ENOSF1: variants seen among roughly 807,000 people sequenced by gnomAD.
ENOSF1 encodes the protein mitochondrial enolase superfamily member 1.
A neutral mutation model predicts 68.2 loss-of-function variants in ENOSF1; 73 were observed. The observed-to-expected ratio is 1.07, with a 90% CI of 0.89 to 1.30. The LOEUF (loss-of-function observed/expected upper bound fraction) is 1.30. Among genes scored for constraint, ENOSF1 ranks in the 50% most tolerant of loss-of-function variants. The pLI is 0.00. For missense variants in ENOSF1, 589 were observed against 554.5 expected, an observed-to-expected ratio of 1.06 and a Z score of -0.62; for synonymous variants, 223 against 210.4, an observed-to-expected ratio of 1.06 and a Z score of -0.52.
At chr18:669,256 G>C, downstream of ENOSF1, 1 of 1,209,622 alleles carries the variant, frequency 8.3e-7, no homozygotes, top group African/African-American at 1.5e-5. Flanking sequence ...GGCACCTGAG[G>C]GAGGCAGGAC....
chr18:673,322 G>C lies in ENOSF1; in HGVS notation c.*983C>G, dbSNP rs957258743. ...CCACGTACTTATAAAGAAGGTTGGT[G>C]AATTTCACAAGCTATTTTTGGAATA... On this transcript the variant is annotated 3_prime_UTR_variant, in exon 16 of 16. Coordinates refer to ENST00000647584, the MANE Select transcript of ENOSF1 (RefSeq NM_017512.7). 1 of 240,350 alleles carries C rather than the reference G, an allele frequency of 4.2e-6. No individual in the cohort carries two copies. Among genetic ancestry groups the C allele is most frequent in the Non-Finnish European group, 8.1e-6 (1 of 123,696 alleles). The allele number at this position is 240,350 out of a possible 1,614,324, so 14.9% of individuals were successfully genotyped here.
chr18:673,094 T>G lies in ENOSF1; in HGVS notation c.*1211A>C. 1 of 1,336,704 alleles carries G rather than the reference T, an allele frequency of 7.5e-7. No homozygotes were observed. The highest frequency in any genetic ancestry group is 1.0e-6 in the Non-Finnish European group (1 of 1,000,260). The allele number at this position is 1,336,704 out of a possible 1,614,324, so 82.8% of individuals were successfully genotyped here. A position where few individuals can be genotyped will look rare whatever the true frequency, so the allele number is the denominator to read the frequency against. On this transcript the variant is annotated 3_prime_UTR_variant, in exon 16 of 16. Transcript: ENST00000647584. ...TTTTTGCTCTAAAAGAAAAAGGAACTAGGTCAAAAATCTGTCCGTGACCTA... is the reference window on the plus strand; with the variant it reads ...TTTTTGCTCTAAAAGAAAAAGGAACGAGGTCAAAAATCTGTCCGTGACCTA...
chr18:686,310 G>T, intron 9 of ENOSF1: 3 of 316,756 alleles, frequency 9.5e-6, no homozygotes, highest in East Asian at 6.4e-5. Context: ...AAGGAATTAA[G>T]AACAAAAAAG....
At chr18:669,261 C>A, downstream of ENOSF1, 1 of 1,144,976 alleles carries the variant, frequency 8.7e-7, no homozygotes, top group Non-Finnish European at 1.3e-6. Context: ...CTGAGGGAGG[C>A]AGGACCCTGG....
At chr18:696,223 T>TTC (rs386386823) in intron 3 of ENOSF1, among the ~76,000 whole-genome samples, 2 of 110,484 alleles carry the variant, frequency 1.8e-5, no homozygotes, top group Non-Finnish European at 4.1e-5. Flanking sequence ...TTTTTTTTTT[T>TTC]TGTTTTGAGA....
At chr18:702,280 A>AC (rs1404708378) in intron 2 of ENOSF1, among the ~76,000 whole-genome samples, 5 of 149,196 alleles carry the variant, frequency 3.4e-5, no homozygotes, top group African/African-American at 9.9e-5. Flanking sequence ...AAAAAAAAAA[A>AC]AAAAAACCCA....
At chr18:694,367 T>C (rs755719647) in intron 3 of ENOSF1, 33 bp from the exon 4 acceptor site, 38 of 1,606,448 alleles carry the variant, frequency 2.4e-5, no homozygotes, top group Non-Finnish European at 3.1e-5. Context: ...AAGCACTTTT[T>C]AGAAATGAAA....
intron 9 of ENOSF1, 167 bp from the exon 10 acceptor site, chr18:686,175 G>T (rs767715953): frequency 1.6e-6 from 1 of 607,138 alleles, no homozygotes; most frequent in Non-Finnish European, 3.0e-6. Flanking sequence ...ATAAACCTGG[G>T]AACTTTATCT....
chr18:693,829 A>G lies in ENOSF1; in HGVS notation c.423+53T>C. 17 of 1,611,710 alleles carry G rather than the reference A, an allele frequency of 1.1e-5. No homozygotes were observed. The East Asian group carries it at 2.0e-4, about 19-fold the overall frequency. ...CTGATCATCAAAAGGCATGTCATCAATGATATCCATTTCATTTACAGAAAC... is the reference window on the plus strand; with the variant it reads ...CTGATCATCAAAAGGCATGTCATCAGTGATATCCATTTCATTTACAGAAAC... On this transcript the variant is annotated intron_variant, in intron 5 of 15. Transcript: ENST00000647584.
Position 677,845 on chromosome 18 carries a change from G to C in ENOSF1, c.946C>G (p.Leu316Val). The part of the protein sequence containing the change: ...QCHNRVIFKQ[L>V]LQAKALQFLQ... Reference sequence around the variant, plus strand: ...AACTGCAGGGCCTTCGCCTGTAGGAGTTGCTTAAATATCACTCTATTGTGG... The same window carrying C: ...AACTGCAGGGCCTTCGCCTGTAGGACTTGCTTAAATATCACTCTATTGTGG... The change falls in exon 13 of 16, where the codon CTC becomes GTC. Residue 316 changes from leucine (L) to valine (V), a missense_variant. Transcript: ENST00000647584. 2 of 1,614,034 alleles carry C rather than the reference G, an allele frequency of 1.2e-6. No individual in the cohort carries two copies. Among genetic ancestry groups the C allele is most frequent in the African/African-American group, 1.3e-5 (1 of 75,048 alleles).
intron 2 of ENOSF1, among the ~76,000 whole-genome samples, chr18:700,523 T>C (rs2078223996): frequency 6.6e-6 from 1 of 152,204 alleles, no homozygotes; most frequent in Non-Finnish European, 1.5e-5. Context: ...AGCACTTATG[T>C]ATTCATCTAC....
intron 3 of ENOSF1, among the ~76,000 whole-genome samples, chr18:696,067 T>C (rs2077677886): frequency 6.6e-6 from 1 of 152,188 alleles, no homozygotes; most frequent in South Asian, 2.1e-4. Flanking sequence ...GAATCCTTTC[T>C]CCAGAGCCTA....
chr18:690,732 C>G (rs764382008), intron 7 of ENOSF1, 101 bp from the exon 8 acceptor site: 2 of 1,209,458 alleles, frequency 1.7e-6, no homozygotes, highest in African/African-American at 2.3e-5. Context: ...TCCAGCTGTT[C>G]TCCTGATCCG....
At chr18:709,472 C>T (rs754420504) in intron 1 of ENOSF1, among the ~76,000 whole-genome samples, 11 of 152,068 alleles carry the variant, frequency 7.2e-5, no homozygotes, top group Non-Finnish European at 1.6e-4. Context: ...AAGTAGATTT[C>T]AGATTAAGAA....
chr18:710,691 G>T (rs550169933), intron 1 of ENOSF1, among the ~76,000 whole-genome samples: 11 of 152,086 alleles, frequency 7.2e-5, no homozygotes, highest in Non-Finnish European at 1.3e-4. Flanking sequence ...CTTTACTGAC[G>T]GCCTTCTCTG....
At chr18:700,785 C>T (rs1230473956) in intron 2 of ENOSF1, among the ~76,000 whole-genome samples, 1 of 148,660 alleles carries the variant, frequency 6.7e-6, no homozygotes, top group Non-Finnish European at 1.5e-5. Flanking sequence ...CTTGTGGGGG[C>T]TGAGGTATGA....
Position 670,488 on chromosome 18 carries a change from C to T in ENOSF1, c.*3817G>A. On this transcript the variant is annotated 3_prime_UTR_variant, in exon 16 of 16. Coordinates refer to ENST00000647584, the MANE Select transcript of ENOSF1 (RefSeq NM_017512.7). ...TGCTTCAGCCGTAAATGGACACCTG[C>T]AGAAACCTTGCACCGATGGATAGTC... 2 of 571,272 alleles carry T rather than the reference C, an allele frequency of 3.5e-6. No individual in the cohort carries two copies. Among genetic ancestry groups the T allele is most frequent in the Non-Finnish European group, 6.2e-6 (2 of 323,510 alleles). 35.4% of individuals were successfully genotyped at this position (571,272 alleles called of 1,614,324 possible).
chr18:706,063 A>C lies in ENOSF1; in HGVS notation c.193+407T>G, dbSNP rs533551234. 2.0e-5 allele frequency among the ~76,000 whole-genome samples: 3 copies of C among 152,178 alleles called. No individual in the cohort carries two copies. In the South Asian group the frequency reaches 6.3e-4, roughly 32 times the overall value. Reference sequence around the variant, plus strand: ...CGAGTAGACGTGCTGTGCACATCACAATGAGCCTTTTTTGCTATGGGAACT... The same window carrying C: ...CGAGTAGACGTGCTGTGCACATCACCATGAGCCTTTTTTGCTATGGGAACT... On this transcript the variant is annotated intron_variant, in intron 2 of 15. Transcript: ENST00000647584.
intron 8 of ENOSF1, among the ~76,000 whole-genome samples, chr18:689,135 G>A (rs1042077576): frequency 2.6e-5 from 4 of 152,110 alleles, no homozygotes; most frequent in African/African-American, 7.2e-5. Context: ...TGGGTCTACC[G>A]CTGGTGCTGC....
Sources: allele counts gnomAD v4.1 joint callset (sites outside exome capture counted in the v4.1 genomes callset), GRCh38; gene constraint gnomAD v4.1.1; transcripts MANE v1.5; gene names NCBI Gene and HGNC (gene_info 2026-07-23, HGNC 2026-07-21).